Variants in ACSS3 observed in about 807,000 individuals in gnomAD.
ACSS3 encodes acyl-CoA synthetase short-chain family member 3, mitochondrial.
A neutral mutation model predicts 84.2 loss-of-function variants in ACSS3; 64 were observed. The observed-to-expected ratio is 0.76, with a 90% CI of 0.62 to 0.94. The LOEUF is 0.94. Ranked by LOEUF, ACSS3 falls within the 40% of genes least tolerant of loss-of-function variation. The pLI, the probability that ACSS3 is intolerant of heterozygous loss-of-function variation, is 0.00. For synonymous variants in ACSS3, 317 were observed against 310.1 expected (o/e 1.02, Z -0.23); for missense variants, 815 against 867.6 (o/e 0.94, Z 0.76).
chr12:81,216,653 C>G (rs1450059172), intron 9 of ACSS3, among the ~76,000 whole-genome samples: 1 of 152,110 alleles, frequency 6.6e-6, no homozygotes, highest in Non-Finnish European at 1.5e-5. Context: ...AGCAGCCTTT[C>G]TTTTCTTTAG....
intron 4 of ACSS3, among the ~76,000 whole-genome samples, chr12:81,139,936 T>A (rs1201430957): frequency 2.6e-5 from 4 of 152,082 alleles, no homozygotes; most frequent in Admixed American, 2.6e-4. Flanking sequence ...CGCCCGGCCA[T>A]ATTTTTTAAT....
intron 9 of ACSS3, among the ~76,000 whole-genome samples, chr12:81,201,516 A>G (rs916339070): frequency 2.0e-5 from 3 of 152,182 alleles, no homozygotes; most frequent in Non-Finnish European, 4.4e-5. Flanking sequence ...AGGCTTACAA[A>G]AAAGGTCACT....
intron 10 of ACSS3, among the ~76,000 whole-genome samples, chr12:81,218,664 T>C (rs1328392288): frequency 6.6e-6 from 1 of 152,114 alleles, no homozygotes; most frequent in Non-Finnish European, 1.5e-5. Flanking sequence ...AAAAAATGTT[T>C]TGTGTTGAGA....
At chr12:81,088,669 T>G (rs568051027) in intron 1 of ACSS3, among the ~76,000 whole-genome samples, 14 of 152,068 alleles carry the variant, frequency 9.2e-5, no homozygotes, top group South Asian at 6.2e-4. Context: ...AACTAGTAAA[T>G]AGCAGAGCTA....
intron 1 of ACSS3, among the ~76,000 whole-genome samples, chr12:81,081,390 C>T (rs577868546): frequency 6.6e-6 from 1 of 152,288 alleles, no homozygotes; most frequent in South Asian, 2.1e-4. Context: ...TACGTGATTG[C>T]TTCTCCTCAC....
chr12:81,139,782 C>T (rs35343991), intron 4 of ACSS3, among the ~76,000 whole-genome samples: 9,190 of 151,544 alleles, frequency 0.061, 396 homozygotes, highest in Middle Eastern at 0.12. Context: ...ACTACAGGTG[C>T]CTGCCACCAC....
intron 2 of ACSS3, among the ~76,000 whole-genome samples, chr12:81,114,480 C>G (rs1883872579): frequency 6.6e-6 from 1 of 152,072 alleles, no homozygotes; most frequent in African/African-American, 2.4e-5. Flanking sequence ...TTTCCTTAAG[C>G]AAACACTTAA....
At chr12:81,130,242 G>A (rs974022892) in intron 2 of ACSS3, among the ~76,000 whole-genome samples, 1 of 152,118 alleles carries the variant, frequency 6.6e-6, no homozygotes, top group Admixed American at 6.6e-5. Flanking sequence ...ATTCCCACCA[G>A]CAGTGTAAAA....
rs769090740 is a variant in ACSS3, at chr12:81,109,828, T to C, written c.456+124T>C. 26 of 798,448 alleles carry C rather than the reference T, an allele frequency of 3.3e-5. No homozygotes were observed. In the South Asian group the frequency reaches 4.6e-4, roughly 14 times the overall value. 49.5% of individuals were successfully genotyped at this position (798,448 alleles called of 1,614,324 possible). ...TGAAATATGTTGCCATGCTTTTCTTTTGATACACATTGGAAATGAATACAG... is the reference window on the plus strand; with the variant it reads ...TGAAATATGTTGCCATGCTTTTCTTCTGATACACATTGGAAATGAATACAG... On this transcript the variant is annotated intron_variant, in intron 2 of 15. Coordinates refer to ENST00000548058, the MANE Select transcript of ACSS3 (RefSeq NM_024560.4).
At chr12:81,113,593 G>A (rs922153457) in intron 2 of ACSS3, among the ~76,000 whole-genome samples, 3 of 152,208 alleles carry the variant, frequency 2.0e-5, no homozygotes, top group Middle Eastern at 6.8e-3. Flanking sequence ...TGCATGTAGT[G>A]AATAGTTGTT....
In ACSS3 at chr12:81,257,223, G is replaced by A. The variant is rs986902608; in HGVS notation, c.*2301G>A. The A allele has an allele frequency of 6.6e-6, 1 of 152,130 alleles. No homozygotes were observed. The highest frequency in any genetic ancestry group is 2.4e-5 in the African/African-American group (1 of 41,432). The allele number at this position is 152,130 out of a possible 1,614,324, so 9.4% of individuals were successfully genotyped here. A position where few individuals can be genotyped will look rare whatever the true frequency, so the allele number is the denominator to read the frequency against. On this transcript the variant is annotated 3_prime_UTR_variant, in exon 16 of 16. Transcript: ENST00000548058. ...GATGGGAATGGAAAACAGTGCTGGA[G>A]ACTGGGGAAGTGGCTATTTCCTGTG...
chr12:81,251,683 A>AAAAAAAAAAAAAG (rs2034159414), intron 13 of ACSS3, among the ~76,000 whole-genome samples: 1 of 150,794 alleles, frequency 6.6e-6, no homozygotes, highest in Non-Finnish European at 1.5e-5. Flanking sequence ...AAAAAAAAAA[A>AAAAAAAAAAAAAG]ATACAAAAAT....
intron 7 of ACSS3, among the ~76,000 whole-genome samples, chr12:81,165,099 C>T (rs964045406): frequency 6.6e-6 from 1 of 152,192 alleles, no homozygotes; most frequent in Non-Finnish European, 1.5e-5. Context: ...CTGATGCTAG[C>T]ATCTTTTAGA....
Position 81,175,271 on chromosome 12 carries a change from C to A in ACSS3, c.1250+332C>A, listed in dbSNP as rs540543017. 5.9e-5 allele frequency among the ~76,000 whole-genome samples: 9 copies of A among 152,208 alleles called. No homozygotes were observed. In the East Asian group the frequency reaches 1.7e-3, roughly 29 times the overall value. On this transcript the variant is annotated intron_variant, in intron 8 of 15. Coordinates refer to ENST00000548058, the MANE Select transcript of ACSS3 (RefSeq NM_024560.4). ...TAGATGGATACAGATGTACTAACAT[C>A]TGCCTTTTGAAAATAGAAGAATGGG...
At chr12:81,107,437 A>G (rs545852083) in intron 1 of ACSS3, among the ~76,000 whole-genome samples, 1 of 146,662 alleles carries the variant, frequency 6.8e-6, no homozygotes, top group Non-Finnish European at 1.5e-5. Flanking sequence ...GAATAATGAT[A>G]TTATCAAGAA....
intron 13 of ACSS3, among the ~76,000 whole-genome samples, 184 bp from the exon 14 acceptor site, chr12:81,253,123 T>C (rs2034203441): frequency 6.6e-6 from 1 of 152,228 alleles, no homozygotes; most frequent in South Asian, 2.1e-4. Context: ...TCACTAGTAA[T>C]GATGTAAATT....
At chr12:81,167,855 C>T (rs990415296) in intron 7 of ACSS3, among the ~76,000 whole-genome samples, 3 of 152,138 alleles carry the variant, frequency 2.0e-5, no homozygotes, top group African/African-American at 7.2e-5. Flanking sequence ...AGAAGTCTCA[C>T]CTTCTCAGGC....
chr12:81,146,991 C>T (rs1272274866), intron 5 of ACSS3, among the ~76,000 whole-genome samples: 2 of 151,900 alleles, frequency 1.3e-5, no homozygotes, highest in Non-Finnish European at 2.9e-5. Context: ...CACTTACTTC[C>T]TGCCCCAGAA....
intron 3 of ACSS3, among the ~76,000 whole-genome samples, chr12:81,135,662 A>T (rs1885763022): frequency 6.6e-6 from 1 of 151,882 alleles, no homozygotes. Context: ...AGAGTGGTAT[A>T]ATGGACACTG....
Sources: gnomAD v4.1 joint callset for allele counts (sites outside exome capture counted in the v4.1 genomes callset) on GRCh38, gnomAD v4.1.1 for gene constraint, MANE v1.5 for transcripts, NCBI Gene and HGNC (gene_info 2026-07-23, HGNC 2026-07-21) for gene names.